Variants in LRRIQ1 observed in about 807,000 individuals in gnomAD.
LRRIQ1 encodes the protein leucine rich repeats and IQ motif containing 1.
In LRRIQ1, 210 loss-of-function variants were observed where a neutral mutation model predicts 211.9. The ratio of observed to expected loss-of-function variants is 0.99; its 90% CI spans 0.89 to 1.11. The LOEUF is 1.11. Ranked by LOEUF, LRRIQ1 falls within the 50% of genes most tolerant of loss-of-function variation. The pLI, the probability that LRRIQ1 is intolerant of heterozygous loss-of-function variation, is 0.00. For missense variants in LRRIQ1, 2,136 were observed against 1,939.5 expected (o/e 1.10, Z -1.90); for synonymous variants, 699 against 650.1 (o/e 1.08, Z -1.14).
At chr12:85,231,875 C>CAACATGAG (rs1894958857) in intron 25 of LRRIQ1, among the ~76,000 whole-genome samples, 1 of 152,112 alleles carries the variant, frequency 6.6e-6, no homozygotes, top group South Asian at 2.1e-4. Flanking sequence ...GATCAAATTT[C>CAACATGAG]AACATGAGTT....
intron 15 of LRRIQ1, among the ~76,000 whole-genome samples, chr12:85,107,718 T>G (rs1272712668): frequency 6.6e-6 from 1 of 152,074 alleles, no homozygotes; most frequent in Non-Finnish European, 1.5e-5. Flanking sequence ...TTACTTATTA[T>G]TATTTATTTC....
intron 17 of LRRIQ1, 42 bp from the exon 18 acceptor site, chr12:85,127,790 G>T: frequency 6.5e-7 from 1 of 1,549,162 alleles, no homozygotes. Flanking sequence ...TGTATTTACA[G>T]ATAATAAAAA....
intron 15 of LRRIQ1, 29 bp from the exon 16 acceptor site, chr12:85,121,668 A>C: frequency 6.6e-7 from 1 of 1,513,834 alleles, no homozygotes; most frequent in Non-Finnish European, 8.9e-7. Context: ...CAAGATCAGG[A>C]TTATTAACTT....
chr12:85,196,672 C>G (rs1183164935), intron 24 of LRRIQ1, among the ~76,000 whole-genome samples: 1 of 152,058 alleles, frequency 6.6e-6, no homozygotes. Flanking sequence ...ATACAAAAAT[C>G]AATTCGAGAT....
At chr12:85,086,260 C>T (rs3913014) in intron 11 of LRRIQ1, among the ~76,000 whole-genome samples, 33,255 of 151,896 alleles carry the variant, frequency 0.22, 4,271 homozygotes, top group Admixed American at 0.31. Flanking sequence ...TTTGTTCCTA[C>T]CCAAATCTCA....
In LRRIQ1 at chr12:85,170,273, TA is replaced by T. The variant is rs1424338989; in HGVS notation, c.4822+9560del. ...TTTGTATGTGCATATTGTATATATA[TA>T]TATATATATGTACTTAAATGCTGAT... On this transcript the variant is annotated intron_variant, in intron 24 of 26. Coordinates refer to ENST00000393217, the MANE Select transcript of LRRIQ1 (RefSeq NM_001079910.2). 4.6e-5 allele frequency among the ~76,000 whole-genome samples: 7 copies of T among 151,304 alleles called. No homozygotes were observed. In the East Asian group the frequency reaches 1.2e-3, roughly 25 times the overall value.
In LRRIQ1 at chr12:85,098,468, A is replaced by G. The variant is rs759770330; in HGVS notation, c.3001A>G (p.Asn1001Asp). ...PTIVYLDCSH[N>D]HLTDVEGVEN... ...CATTGTATACCTAGATTGCTCCCAT[A>G]ATCATCTTACTGATGTAGAGGGCGT... The change falls in exon 12 of 27, where the codon AAT (asparagine) becomes GAT (aspartate). Residue 1001 changes from asparagine to aspartate, a missense_variant. Physicochemically the swap from Asn to Asp is conservative, Grantham distance 23. Transcript: ENST00000393217. 6.2e-7 allele frequency: 1 copy of G among 1,612,140 alleles called. No individual in the cohort carries two copies.
At chr12:85,069,930 G>A (rs563716454) in intron 10 of LRRIQ1, among the ~76,000 whole-genome samples, 4,150 of 151,924 alleles carry the variant, frequency 0.027, 183 homozygotes, top group African/African-American at 0.095. Flanking sequence ...CTGTGCAGAA[G>A]CTCTTTAGTT....
At chr12:85,196,118 A>G (rs1296242264) in intron 24 of LRRIQ1, among the ~76,000 whole-genome samples, 3 of 152,144 alleles carry the variant, frequency 2.0e-5, no homozygotes, top group Non-Finnish European at 4.4e-5. Context: ...CCAACTTACA[A>G]GGGATGTGAA....
At chr12:85,108,651 T>C (rs888113335) in intron 15 of LRRIQ1, among the ~76,000 whole-genome samples, 2 of 152,194 alleles carry the variant, frequency 1.3e-5, no homozygotes, top group African/African-American at 4.8e-5. Flanking sequence ...GAATTGGTGA[T>C]CATTCTGGCT....
chr12:85,039,497 A>G (rs901818483), intron 2 of LRRIQ1, among the ~76,000 whole-genome samples: 2 of 151,710 alleles, frequency 1.3e-5, no homozygotes, highest in Non-Finnish European at 3.0e-5. Flanking sequence ...ACACTACTTT[A>G]TCAGGACTCA....
intron 17 of LRRIQ1, 64 bp downstream of exon 17, chr12:85,124,583 A>G: frequency 2.5e-6 from 3 of 1,202,468 alleles, no homozygotes; most frequent in South Asian, 2.6e-5. Flanking sequence ...GGATGATATT[A>G]GTCAATGGTA....
intron 24 of LRRIQ1, among the ~76,000 whole-genome samples, chr12:85,207,309 C>T (rs753211153): frequency 6.6e-6 from 1 of 152,086 alleles, no homozygotes; most frequent in Non-Finnish European, 1.5e-5. Flanking sequence ...CAGTCTTCTA[C>T]TATCCTGGTC....
At chr12:85,071,017 C>A (rs969070911) in intron 10 of LRRIQ1, among the ~76,000 whole-genome samples, 5 of 151,742 alleles carry the variant, frequency 3.3e-5, no homozygotes, top group Non-Finnish European at 7.4e-5. Flanking sequence ...ATTTAGTTTG[C>A]TAAATTAATT....
intron 6 of LRRIQ1, among the ~76,000 whole-genome samples, chr12:85,050,177 A>G (rs1880132258): frequency 6.6e-6 from 1 of 152,172 alleles, no homozygotes; most frequent in African/African-American, 2.4e-5. Context: ...ACCTCCCACC[A>G]GGCCCCACCT....
chr12:85,227,517 G>A (rs758188826), intron 24 of LRRIQ1, among the ~76,000 whole-genome samples: 3 of 151,784 alleles, frequency 2.0e-5, no homozygotes, highest in East Asian at 1.9e-4. Context: ...TTTTGATGGG[G>A]TTGTTTGATT....
At chr12:85,171,429 T>C (rs1457934136) in intron 24 of LRRIQ1, among the ~76,000 whole-genome samples, 1 of 152,150 alleles carries the variant, frequency 6.6e-6, no homozygotes, top group Non-Finnish European at 1.5e-5. Flanking sequence ...AAAGAAAATA[T>C]ATACAATAAA....
At chr12:85,061,906 T>C (rs1392176708) in intron 8 of LRRIQ1, among the ~76,000 whole-genome samples, 2 of 151,854 alleles carry the variant, frequency 1.3e-5, no homozygotes, top group Non-Finnish European at 2.9e-5. Context: ...CTAGAAGTCT[T>C]ATTTATCTGA....
the LRRIQ1 span, among the ~76,000 whole-genome samples, chr12:85,269,615 A>G: frequency 6.6e-6 from 1 of 152,014 alleles, no homozygotes; most frequent in African/African-American, 2.4e-5. Flanking sequence ...CTTTCCTCAC[A>G]AGAATATTGA....
Sources: gnomAD v4.1 joint callset for allele counts (sites outside exome capture counted in the v4.1 genomes callset) on GRCh38, gnomAD v4.1.1 for gene constraint, MANE v1.5 for transcripts, NCBI Gene and HGNC (gene_info 2026-07-23, HGNC 2026-07-21) for gene names.